Variants in VTI1A observed in about 807,000 individuals in gnomAD.
VTI1A encodes vesicle transport through interaction with t-SNAREs homolog 1A.
VTI1A carries 22 observed loss-of-function variants against 34.9 expected under a neutral mutation model. The ratio of observed to expected loss-of-function variants is 0.63; its 90% CI spans 0.45 to 0.90. The LOEUF (loss-of-function observed/expected upper bound fraction) is 0.90. Ranked by LOEUF, VTI1A falls within the 40% of genes least tolerant of loss-of-function variation. VTI1A has a pLI of 0.00. For synonymous variants in VTI1A, 87 were observed against 97.3 expected (o/e 0.89, Z 0.62); for missense variants, 268 against 275.6 (o/e 0.97, Z 0.20).
chr10:112,568,203 C>T (rs1851979588), intron 5 of VTI1A, among the ~76,000 whole-genome samples: 1 of 151,948 alleles, frequency 6.6e-6, no homozygotes, highest in African/African-American at 2.4e-5. Context: ...ATTACAAGTC[C>T]TAGGAGGAAT....
chr10:112,486,701 C>CTGTATATTCTAAAGAATATACAAT (rs1245754817), intron 3 of VTI1A, among the ~76,000 whole-genome samples: 5 of 63,210 alleles, frequency 7.9e-5, no homozygotes, highest in East Asian at 2.2e-4. Context: ...GAATATACAA[C>CTGTATATTCTAAAGAATATACAAT]TGTATATTCT....
chr10:112,598,474 G>A (rs1844753725), intron 5 of VTI1A, among the ~76,000 whole-genome samples: 1 of 152,204 alleles, frequency 6.6e-6, no homozygotes, highest in African/African-American at 2.4e-5. Context: ...AAACTGCATT[G>A]TGTTATTTAA....
chr10:112,659,728 C>G (rs113895446), intron 5 of VTI1A, among the ~76,000 whole-genome samples: 1 of 152,334 alleles, frequency 6.6e-6, no homozygotes, highest in Non-Finnish European at 1.5e-5. Flanking sequence ...CACACACACG[C>G]GCACGCGCGT....
intron 5 of VTI1A, among the ~76,000 whole-genome samples, chr10:112,576,890 A>G (rs1843731004): frequency 6.6e-6 from 1 of 152,226 alleles, no homozygotes; most frequent in Admixed American, 6.5e-5. Flanking sequence ...TAAATATTTT[A>G]TGAAACAATA....
chr10:112,643,133 C>T lies in VTI1A; in HGVS notation c.428-25085C>T, dbSNP rs537200600. Reference sequence around the variant, plus strand: ...CCAGGTAGCTGGGATTACAGGCACCCGCCACCACACCTGGCTAATTTTTTT... The same window carrying T: ...CCAGGTAGCTGGGATTACAGGCACCTGCCACCACACCTGGCTAATTTTTTT... On this transcript the variant is annotated intron_variant, in intron 5 of 7. Coordinates refer to ENST00000393077, the MANE Select transcript of VTI1A (RefSeq NM_145206.4). Among the ~76,000 whole-genome samples, 9 of 150,402 alleles carry T rather than the reference C, an allele frequency of 6.0e-5. No individual in the cohort carries two copies. The South Asian group carries it at 1.1e-3, about 18-fold the overall frequency.
At chr10:112,483,970 G>A (rs1424435932) in intron 3 of VTI1A, among the ~76,000 whole-genome samples, 1 of 152,192 alleles carries the variant, frequency 6.6e-6, no homozygotes, top group African/African-American at 2.4e-5. Context: ...AGACTTTCAA[G>A]CTACTAAATC....
At chr10:112,575,518 G>T (rs1269915022) in intron 5 of VTI1A, among the ~76,000 whole-genome samples, 4 of 152,180 alleles carry the variant, frequency 2.6e-5, no homozygotes, top group African/African-American at 9.7e-5. Context: ...CGCGTCCATT[G>T]TGTGTTTTCA....
intron 7 of VTI1A, among the ~76,000 whole-genome samples, chr10:112,736,111 G>GTGTGTATATATA (rs778802494): frequency 9.5e-5 from 11 of 116,198 alleles, no homozygotes; most frequent in African/African-American, 4.1e-4. Context: ...ATGTGTGTGT[G>GTGTGTATATATA]TATATATATA....
At chr10:112,680,221 G>A (rs970968275) in intron 7 of VTI1A, among the ~76,000 whole-genome samples, 1 of 152,166 alleles carries the variant, frequency 6.6e-6, no homozygotes, top group African/African-American at 2.4e-5. Flanking sequence ...CAGATCATTT[G>A]TCAAAAGTAC....
chr10:112,775,319 GGAA>G (rs1373560972), intron 7 of VTI1A, among the ~76,000 whole-genome samples: 3 of 152,190 alleles, frequency 2.0e-5, no homozygotes, highest in African/African-American at 7.2e-5. Flanking sequence ...TTCAATCCAT[GGAA>G]GAAGATTGTG....
At chr10:112,619,345 G>A (rs1413949604) in intron 5 of VTI1A, among the ~76,000 whole-genome samples, 1 of 152,036 alleles carries the variant, frequency 6.6e-6, no homozygotes, top group Non-Finnish European at 1.5e-5. Context: ...CTGTAAGCAC[G>A]TTCATCTGGA....
chr10:112,709,006 C>G (rs1353997646), intron 7 of VTI1A, among the ~76,000 whole-genome samples: 2 of 152,350 alleles, frequency 1.3e-5, no homozygotes, highest in East Asian at 3.9e-4. Flanking sequence ...TATGGACTTG[C>G]TGGCCCTCCA....
In VTI1A at chr10:112,772,799, A is replaced by G. The variant is rs546190610; in HGVS notation, c.561-42491A>G. Among the ~76,000 whole-genome samples, 6 of 152,360 alleles carry G rather than the reference A, an allele frequency of 3.9e-5. No homozygotes were observed. The South Asian group carries it at 6.2e-4, about 16-fold the overall frequency. On this transcript the variant is annotated intron_variant, in intron 7 of 7. Coordinates refer to ENST00000393077, the MANE Select transcript of VTI1A (RefSeq NM_145206.4). The stretch of plus-strand genomic sequence containing the variant: ...CCATGTTTTTGAAGGAAGAAAAAGA[A>G]CTGTGGATTGATGTGGTCATCTACC...
At chr10:112,453,853 T>G (rs1847331387) in intron 1 of VTI1A, among the ~76,000 whole-genome samples, 1 of 152,218 alleles carries the variant, frequency 6.6e-6, no homozygotes, top group African/African-American at 2.4e-5. Context: ...TCCCGGGGTG[T>G]TGTTGCCTCT....
At chr10:112,711,644 G>C (rs1011380879) in intron 7 of VTI1A, among the ~76,000 whole-genome samples, 7 of 152,190 alleles carry the variant, frequency 4.6e-5, no homozygotes, top group African/African-American at 1.7e-4. Context: ...CCCACACACG[G>C]TTGGTGTAAG....
intron 7 of VTI1A, among the ~76,000 whole-genome samples, chr10:112,739,307 A>G (rs1850607896): frequency 6.6e-6 from 1 of 152,212 alleles, no homozygotes; most frequent in South Asian, 2.1e-4. Context: ...GTAATGAGAA[A>G]AACAATTGCC....
chr10:112,634,795 A>T (rs886281054), intron 5 of VTI1A, among the ~76,000 whole-genome samples: 3 of 152,092 alleles, frequency 2.0e-5, no homozygotes, highest in Non-Finnish European at 4.4e-5. Flanking sequence ...TATATCTGCC[A>T]TGTTCTAAAA....
chr10:112,593,259 G>A (rs1357410018), intron 5 of VTI1A, among the ~76,000 whole-genome samples: 1 of 152,198 alleles, frequency 6.6e-6, no homozygotes. Flanking sequence ...ATCTCCAATG[G>A]TCGGGTGTAG....
chr10:112,493,249 C>A (rs1848898443), intron 3 of VTI1A, among the ~76,000 whole-genome samples: 1 of 151,776 alleles, frequency 6.6e-6, no homozygotes, highest in African/African-American at 2.4e-5. Context: ...TTTTTTCTTT[C>A]CTTTTTCATT....
Sources: gnomAD v4.1 joint callset for allele counts (sites outside exome capture counted in the v4.1 genomes callset) on GRCh38, gnomAD v4.1.1 for gene constraint, MANE v1.5 for transcripts, NCBI Gene and HGNC (gene_info 2026-07-23, HGNC 2026-07-21) for gene names.